Variants in CRACDL observed in about 807,000 individuals in gnomAD.
CRACDL encodes CRACD like, also known as CRACD-like protein.
CRACDL carries 26 observed loss-of-function variants against 70.6 expected under a neutral mutation model. The ratio of observed to expected loss-of-function variants is 0.37; its 90% CI spans 0.27 to 0.51. The LOEUF (loss-of-function observed/expected upper bound fraction) is 0.51. Ranked by LOEUF, CRACDL falls within the 20% of genes least tolerant of loss-of-function variation. CRACDL has a pLI of 0.94. For synonymous variants in CRACDL, 618 were observed against 615.2 expected (o/e 1.00, Z -0.07); for missense variants, 1,283 against 1,376.9 (o/e 0.93, Z 1.08).
At chr2:98,809,262 G>C (rs1204681627) in intron 7 of CRACDL, among the ~76,000 whole-genome samples, 1 of 152,018 alleles carries the variant, frequency 6.6e-6, no homozygotes, top group Admixed American at 6.6e-5. Context: ...ACAAGGTTTT[G>C]TCCTGCCTGG....
chr2:98,814,021 C>G (rs1161099254), intron 7 of CRACDL, among the ~76,000 whole-genome samples: 2 of 152,148 alleles, frequency 1.3e-5, no homozygotes, highest in Non-Finnish European at 2.9e-5. Context: ...CATTTTAATG[C>G]CTATGGAGTC....
chr2:98,802,834 T>C (rs1401739063), intron 7 of CRACDL, among the ~76,000 whole-genome samples: 2 of 152,184 alleles, frequency 1.3e-5, no homozygotes, highest in Non-Finnish European at 2.9e-5. Context: ...AATTCCCAGG[T>C]TGCTTGCCTT....
chr2:98,865,101 G>T (rs1352258088), intron 1 of CRACDL, among the ~76,000 whole-genome samples: 1 of 152,082 alleles, frequency 6.6e-6, no homozygotes, highest in East Asian at 1.9e-4. Context: ...TGGTGGGCTG[G>T]ACTCCAACCC....
At chr2:98,850,080 C>A (rs1461803362) in intron 1 of CRACDL, among the ~76,000 whole-genome samples, 1 of 152,238 alleles carries the variant, frequency 6.6e-6, no homozygotes, top group Non-Finnish European at 1.5e-5. Flanking sequence ...CCGGCATGCC[C>A]TGGCAGCAGG....
At chr2:98,798,677 G>GCTTTT (rs546974021) in intron 7 of CRACDL, among the ~76,000 whole-genome samples, 26 of 151,412 alleles carry the variant, frequency 1.7e-4, no homozygotes, top group African/African-American at 4.4e-4. Context: ...TAAATAAGTG[G>GCTTTT]CTTTTCTTTT....
chr2:98,895,656 T>G (rs112349736), intron 1 of CRACDL, among the ~76,000 whole-genome samples: 3 of 152,140 alleles, frequency 2.0e-5, no homozygotes, highest in African/African-American at 7.2e-5. Context: ...TTGGATTCTA[T>G]TCTAAAGGTA....
At chr2:98,935,894 C>T (rs1278231079) in intron 1 of CRACDL, 44 bp downstream of exon 1, 3 of 152,250 alleles carry the variant, frequency 2.0e-5, no homozygotes, top group African/African-American at 4.8e-5. Flanking sequence ...CGCCTTCGAC[C>T]CACGCCTGCC....
intron 1 of CRACDL, among the ~76,000 whole-genome samples, chr2:98,905,038 C>T (rs1038858207): frequency 1.3e-5 from 2 of 151,886 alleles, no homozygotes; most frequent in Non-Finnish European, 2.9e-5. Flanking sequence ...ATCACGAGGT[C>T]AGGAGATCGA....
intron 1 of CRACDL, among the ~76,000 whole-genome samples, chr2:98,895,512 G>C (rs960987620): frequency 6.6e-6 from 1 of 152,186 alleles, no homozygotes; most frequent in Non-Finnish European, 1.5e-5. Context: ...CCGGAGGCAG[G>C]GGGGAACATA....
chr2:98,859,434 G>A (rs1706846155), intron 1 of CRACDL, among the ~76,000 whole-genome samples: 1 of 152,086 alleles, frequency 6.6e-6, no homozygotes, highest in Non-Finnish European at 1.5e-5. Flanking sequence ...AAACAACCCA[G>A]CAACATATTA....
At chr2:98,907,147 C>G (rs1229205656) in intron 1 of CRACDL, among the ~76,000 whole-genome samples, 1 of 152,118 alleles carries the variant, frequency 6.6e-6, no homozygotes, top group Non-Finnish European at 1.5e-5. Flanking sequence ...CAAAAATTAG[C>G]TGGGCATGGT....
intron 1 of CRACDL, among the ~76,000 whole-genome samples, chr2:98,928,601 C>T (rs1708992772): frequency 6.6e-6 from 1 of 152,158 alleles, no homozygotes; most frequent in African/African-American, 2.4e-5. Flanking sequence ...GAGAGGCTGA[C>T]GCAGGCCCAC....
At chr2:98,795,077 A>ATATATATATATTTTTTTTTT in intron 9 of CRACDL, among the ~76,000 whole-genome samples, 42 of 58,472 alleles carry the variant, frequency 7.2e-4, no homozygotes, top group Non-Finnish European at 1.2e-3. Flanking sequence ...ATATATATAT[A>ATATATATATATTTTTTTTTT]TTTTTTTTTT....
intron 2 of CRACDL, among the ~76,000 whole-genome samples, chr2:98,839,553 T>C (rs1477861826): frequency 6.6e-6 from 1 of 152,260 alleles, no homozygotes. Flanking sequence ...AAAATGCTGC[T>C]TACAGCATTA....
At chr2:98,869,712 C>T (rs1707276429) in intron 1 of CRACDL, among the ~76,000 whole-genome samples, 5 of 152,218 alleles carry the variant, frequency 3.3e-5, no homozygotes, top group Admixed American at 2.6e-4. Context: ...TGTCCACTTG[C>T]TATCTCAGTG....
At chr2:98,795,075 A>ATTTTTTTTTTTTTTTTTT (rs1310155610) in intron 9 of CRACDL, among the ~76,000 whole-genome samples, 1 of 24,456 alleles carries the variant, frequency 4.1e-5, no homozygotes, top group Non-Finnish European at 9.6e-5. Context: ...ATATATATAT[A>ATTTTTTTTTTTTTTTTTT]TATTTTTTTT....
At chr2:98,838,593 T>TA (rs1310717284) in intron 2 of CRACDL, among the ~76,000 whole-genome samples, 1 of 152,160 alleles carries the variant, frequency 6.6e-6, no homozygotes, top group African/African-American at 2.4e-5. Flanking sequence ...ATTTCTAAAA[T>TA]ATATTTGAGG....
At chr2:98,880,795 C>G (rs916573573) in intron 1 of CRACDL, among the ~76,000 whole-genome samples, 1 of 152,190 alleles carries the variant, frequency 6.6e-6, no homozygotes. Context: ...GTCGGGAGAG[C>G]CCCCAGCCGG....
rs763992010 is a variant in CRACDL, at chr2:98,823,546, AATAAAG to A, written c.736-15_736-10del. 10 of 1,558,218 alleles carry A rather than the reference AATAAAG, an allele frequency of 6.4e-6. No individual in the cohort carries two copies. The highest frequency in any genetic ancestry group is 7.8e-6 in the Non-Finnish European group (9 of 1,159,458). On this transcript the variant is annotated splice_polypyrimidine_tract_variant and intron_variant, in intron 6 of 9. Coordinates refer to ENST00000397899, the MANE Select transcript of CRACDL (RefSeq NM_207362.3). The surrounding 1 kb of genome is among the most constrained non-coding windows in gnomAD (Gnocchi z 4.0). ...GATTCAGACTGAGCGCGCTGAGAGA[AATAAAG>A]ATAAAAAGCATCGTCGCTATAGCCA...
Sources: gnomAD v4.1 joint callset for allele counts (sites outside exome capture counted in the v4.1 genomes callset) on GRCh38, gnomAD v4.1.1 for gene constraint, Gnocchi (gnomAD v3.1) non-coding constraint, MANE v1.5 for transcripts, NCBI Gene and HGNC (gene_info 2026-07-23, HGNC 2026-07-21) for gene names.